The following CARMIL1 variants were observed in gnomAD, a reference collection of about 807,000 sequenced individuals.
The protein encoded by CARMIL1 is F-actin-uncapping protein LRRC16A.
A neutral mutation model predicts 177.1 loss-of-function variants in CARMIL1; 90 were observed. That is an observed-to-expected ratio of 0.51 (90% CI 0.43 to 0.61). CARMIL1 has a LOEUF of 0.61. Among genes scored for constraint, CARMIL1 ranks in the 20% least tolerant of loss-of-function variants. The pLI is 0.00. For missense variants in CARMIL1, 1,380 were observed against 1,667.0 expected, an observed-to-expected ratio of 0.83 and a Z score of 3.00; for synonymous variants, 577 against 606.2, an observed-to-expected ratio of 0.95 and a Z score of 0.71.
At chr6:25,392,234 G>A (rs192263740) in intron 2 of CARMIL1, among the ~76,000 whole-genome samples, 158 of 152,010 alleles carry the variant, frequency 1.0e-3, no homozygotes, top group African/African-American at 3.7e-3. Flanking sequence ...GACTTTTGAA[G>A]GTATCTAGCT....
chr6:25,410,919 A>G (rs1464195365), intron 2 of CARMIL1, among the ~76,000 whole-genome samples: 1 of 152,196 alleles, frequency 6.6e-6, no homozygotes, highest in Non-Finnish European at 1.5e-5. Context: ...AAATAAAGGA[A>G]AAGGGCACAC....
chr6:25,541,492 A>T (rs944359337), intron 26 of CARMIL1, among the ~76,000 whole-genome samples: 5 of 152,212 alleles, frequency 3.3e-5, no homozygotes, highest in African/African-American at 7.2e-5. Flanking sequence ...TGACATTGTT[A>T]TGTCAAATAG....
chr6:25,540,093 T>G lies in CARMIL1; in HGVS notation c.2328+15T>G. Reference sequence around the variant, plus strand: ...AACAACTAAAGGTTTGTGGGGTTTGTTATTTGGGAAATGAAATTGTTAATA... The same window carrying G: ...AACAACTAAAGGTTTGTGGGGTTTGGTATTTGGGAAATGAAATTGTTAATA... On this transcript the variant is annotated intron_variant, in intron 26 of 36. Transcript: ENST00000329474. The G allele has an allele frequency of 6.4e-7, 1 of 1,573,624 alleles. No homozygotes were observed. The highest frequency in any genetic ancestry group is 8.6e-7 in the Non-Finnish European group (1 of 1,165,696).
At chr6:25,379,224 T>G (rs1212673836) in intron 2 of CARMIL1, among the ~76,000 whole-genome samples, 1 of 152,222 alleles carries the variant, frequency 6.6e-6, no homozygotes, top group Non-Finnish European at 1.5e-5. Context: ...TGTCCTATCT[T>G]CTAGGAGCTT....
chr6:25,392,497 C>G (rs1025366560), intron 2 of CARMIL1, among the ~76,000 whole-genome samples: 12 of 152,152 alleles, frequency 7.9e-5, no homozygotes, highest in African/African-American at 2.2e-4. Context: ...TGTCTTTTCT[C>G]CTATAGGATA....
At chr6:25,431,195 A>G (rs1394955735) in intron 4 of CARMIL1, among the ~76,000 whole-genome samples, 2 of 151,782 alleles carry the variant, frequency 1.3e-5, no homozygotes, top group African/African-American at 4.8e-5. Flanking sequence ...TTCCTATTTC[A>G]TCGACTTTTG....
intron 2 of CARMIL1, among the ~76,000 whole-genome samples, chr6:25,352,641 T>C (rs372376047): frequency 2.0e-5 from 3 of 152,194 alleles, no homozygotes; most frequent in Admixed American, 6.5e-5. Context: ...ATTTTCTCTG[T>C]GTCTATGAAA....
chr6:25,578,407 C>T (rs2151243346), intron 29 of CARMIL1, among the ~76,000 whole-genome samples: 1 of 152,178 alleles, frequency 6.6e-6, no homozygotes, highest in East Asian at 1.9e-4. Context: ...TCTAGACAAA[C>T]ATTAAATATT....
intron 27 of CARMIL1, among the ~76,000 whole-genome samples, chr6:25,553,017 A>AT (rs1421125665): frequency 2.0e-5 from 3 of 152,062 alleles, no homozygotes; most frequent in Non-Finnish European, 2.9e-5. Context: ...AATTAAATGT[A>AT]TTTTTTTATC....
chr6:25,461,718 A>G (rs1252320796), intron 8 of CARMIL1, among the ~76,000 whole-genome samples: 2 of 152,226 alleles, frequency 1.3e-5, no homozygotes, highest in Non-Finnish European at 2.9e-5. Flanking sequence ...ATCAGATGTC[A>G]AGTATCTGTT....
intron 2 of CARMIL1, among the ~76,000 whole-genome samples, chr6:25,313,422 A>T (rs895634446): frequency 6.6e-6 from 1 of 152,136 alleles, no homozygotes; most frequent in Non-Finnish European, 1.5e-5. Flanking sequence ...TCCCTGCTCA[A>T]GTTGCTATCC....
chr6:25,610,389 GA>G (rs1269185000), intron 36 of CARMIL1, among the ~76,000 whole-genome samples: 1 of 152,150 alleles, frequency 6.6e-6, no homozygotes, highest in Non-Finnish European at 1.5e-5. Flanking sequence ...AATGACATAT[GA>G]AAAAAGCAGC....
chr6:25,505,257 G>A (rs928958968), intron 17 of CARMIL1, among the ~76,000 whole-genome samples: 3 of 152,168 alleles, frequency 2.0e-5, no homozygotes, highest in Non-Finnish European at 4.4e-5. Flanking sequence ...ATGGCCTGTG[G>A]CTGATCCTTA....
At chr6:25,526,071 A>G (rs1247953905) in intron 23 of CARMIL1, among the ~76,000 whole-genome samples, 1 of 151,926 alleles carries the variant, frequency 6.6e-6, no homozygotes, top group African/African-American at 2.4e-5. Flanking sequence ...GCACTTTGGG[A>G]GGCCGAGGCG....
intron 16 of CARMIL1, among the ~76,000 whole-genome samples, chr6:25,499,631 C>T (rs1050823476): frequency 7.9e-5 from 12 of 152,162 alleles, no homozygotes; most frequent in African/African-American, 2.7e-4. Flanking sequence ...AGACATATGC[C>T]TTGTTTTATA....
chr6:25,438,932 T>C (rs938341887), intron 5 of CARMIL1, among the ~76,000 whole-genome samples: 2 of 152,058 alleles, frequency 1.3e-5, no homozygotes, highest in Non-Finnish European at 2.9e-5. Flanking sequence ...TGGACACTTG[T>C]AGTAATCTAG....
chr6:25,282,418 C>A (rs1408716276), intron 1 of CARMIL1, among the ~76,000 whole-genome samples: 1 of 152,088 alleles, frequency 6.6e-6, no homozygotes, highest in Non-Finnish European at 1.5e-5. Flanking sequence ...GTTCCCTTGC[C>A]CCAAACATTC....
At chr6:25,406,397 T>C (rs1440355468) in intron 2 of CARMIL1, among the ~76,000 whole-genome samples, 1 of 152,156 alleles carries the variant, frequency 6.6e-6, no homozygotes, top group Non-Finnish European at 1.5e-5. Flanking sequence ...GGGGCCAGTG[T>C]AGTGGTGCAG....
Position 25,509,364 on chromosome 6 carries a change from T to C in CARMIL1, c.1396-292T>C, listed in dbSNP as rs1263857564. Among the ~76,000 whole-genome samples, 2 of 152,212 alleles carry C rather than the reference T, an allele frequency of 1.3e-5. No individual in the cohort carries two copies. Among genetic ancestry groups the C allele is most frequent in the African/African-American group, 2.4e-5 (1 of 41,462 alleles). On this transcript the variant is annotated intron_variant, in intron 17 of 36. Coordinates refer to ENST00000329474, the MANE Select transcript of CARMIL1 (RefSeq NM_017640.6). The surrounding 1 kb of genome is among the most constrained non-coding windows in gnomAD (Gnocchi z 4.1). ...TGAAGAAATTCTTCTGGGTTGATAA[T>C]GCACTGCTTTGCTACTATAGTGGCG...
Sources: gnomAD v4.1 joint callset for allele counts (sites outside exome capture counted in the v4.1 genomes callset) on GRCh38, gnomAD v4.1.1 for gene constraint, Gnocchi (gnomAD v3.1) non-coding constraint, MANE v1.5 for transcripts, NCBI Gene and HGNC (gene_info 2026-07-23, HGNC 2026-07-21) for gene names.